ASAH2: variants seen among roughly 807,000 people sequenced by gnomAD.
ASAH2 encodes the protein N-acylsphingosine amidohydrolase 2, also known as neutral ceramidase.
ASAH2 carries 58 observed loss-of-function variants against 82.9 expected under a neutral mutation model. That is an observed-to-expected ratio of 0.70 (90% CI 0.57 to 0.87). ASAH2 has a LOEUF of 0.87. Among genes scored for constraint, ASAH2 ranks in the 40% least tolerant of loss-of-function variants. The pLI, the probability that ASAH2 is intolerant of heterozygous loss-of-function variation, is 0.00. For missense variants in ASAH2, 779 were observed against 834.0 expected (o/e 0.93, Z 0.81); for synonymous variants, 276 against 289.7 (o/e 0.95, Z 0.48).
At chr10:50,251,090 G>C (rs926197051) in intron 1 of ASAH2, among the ~76,000 whole-genome samples, 4 of 152,200 alleles carry the variant, frequency 2.6e-5, no homozygotes, top group African/African-American at 7.2e-5. Context: ...CTCCTTGGTA[G>C]AGCTAAGCCA....
chr10:50,233,120 T>C, intron 7 of ASAH2, 64 bp downstream of exon 7: 1 of 1,200,948 alleles, frequency 8.3e-7, no homozygotes, highest in Non-Finnish European at 1.2e-6. Flanking sequence ...CTAGTCTCTT[T>C]TCCCTTCTCT....
At chr10:50,215,917 C>T (rs1009779101) in intron 8 of ASAH2, among the ~76,000 whole-genome samples, 8 of 152,056 alleles carry the variant, frequency 5.3e-5, no homozygotes, top group African/African-American at 1.4e-4. Flanking sequence ...AACTCAAATG[C>T]CCATCAATGA....
At chr10:50,237,602 T>C (rs1846192906) in intron 4 of ASAH2, among the ~76,000 whole-genome samples, 1 of 152,196 alleles carries the variant, frequency 6.6e-6, no homozygotes, top group Non-Finnish European at 1.5e-5. Flanking sequence ...ACAAAGAGAC[T>C]CAGTAAATGT....
At chr10:50,203,758 C>G in intron 14 of ASAH2, 79 bp from the exon 15 acceptor site, 2 of 1,187,676 alleles carry the variant, frequency 1.7e-6, no homozygotes, top group Admixed American at 1.7e-5. Context: ...CAGTGAAAGC[C>G]AAAAAATTAC....
intron 4 of ASAH2, among the ~76,000 whole-genome samples, chr10:50,236,895 G>A (rs1015061145): frequency 1.6e-4 from 25 of 152,180 alleles, no homozygotes; most frequent in African/African-American, 5.8e-4. Context: ...AATATATGAG[G>A]TTCTTGTCTT....
In ASAH2 at chr10:50,203,629, T is replaced by A. The variant is rs1376868914; in HGVS notation, c.1665+11A>T. On this transcript the variant is annotated intron_variant, in intron 15 of 20. Coordinates refer to ENST00000682911, the MANE Select transcript of ASAH2 (RefSeq NM_019893.4). The stretch of plus-strand genomic sequence containing the variant: ...TGAACATGTAGATATGTTATTTTAT[T>A]TTTAACTTACTGCTTGAACTGCCTC... 2.4e-5 allele frequency: 39 copies of A among 1,611,222 alleles called. No individual in the cohort carries two copies. In the Admixed American group the frequency reaches 6.0e-4, roughly 25 times the overall value.
At chr10:50,230,792 A>G (rs1251971951) in intron 7 of ASAH2, among the ~76,000 whole-genome samples, 1 of 152,238 alleles carries the variant, frequency 6.6e-6, no homozygotes, top group Admixed American at 6.5e-5. Flanking sequence ...CTGTAATCCA[A>G]GCACTTTGGA....
At position 50,203,720 on chromosome 10, in the gene ASAH2, A is replaced by G. The variant is rs886311685; in HGVS notation, c.1626-41T>C. The G allele has an allele frequency of 3.3e-5, 52 of 1,584,504 alleles. No homozygotes were observed. In the African/African-American group the frequency reaches 4.4e-4, roughly 14 times the overall value. Reference sequence around the variant, plus strand: ...AATTATGTAAACGTTTTCCTACTAGACGTATGCAGAGTACACAGAAACACT... The same window carrying G: ...AATTATGTAAACGTTTTCCTACTAGGCGTATGCAGAGTACACAGAAACACT... On this transcript the variant is annotated intron_variant, in intron 14 of 20. Coordinates refer to ENST00000682911, the MANE Select transcript of ASAH2 (RefSeq NM_019893.4).
intron 4 of ASAH2, among the ~76,000 whole-genome samples, chr10:50,238,419 A>G (rs1846211380): frequency 1.3e-5 from 2 of 152,192 alleles, no homozygotes; most frequent in Non-Finnish European, 2.9e-5. Context: ...CTATGATGCA[A>G]GACAAATACA....
intron 10 of ASAH2, 74 bp from the exon 11 acceptor site, chr10:50,211,208 C>T (rs1845446579): frequency 1.8e-6 from 2 of 1,125,306 alleles, no homozygotes; most frequent in Non-Finnish European, 2.7e-6. Context: ...TCAGGAAGTA[C>T]CAATTTGATG....
chr10:50,214,221 T>A (rs1306730117), intron 9 of ASAH2, among the ~76,000 whole-genome samples: 1 of 152,184 alleles, frequency 6.6e-6, no homozygotes, highest in Admixed American at 6.6e-5. Context: ...TAGTAACTTC[T>A]GGGAAGAGCA....
chr10:50,239,682 C>CATA (rs1274582388), intron 4 of ASAH2, among the ~76,000 whole-genome samples: 1 of 152,046 alleles, frequency 6.6e-6, no homozygotes, highest in African/African-American at 2.4e-5. Flanking sequence ...TGTCAAATGA[C>CATA]ATAATAATAA....
intron 10 of ASAH2, among the ~76,000 whole-genome samples, chr10:50,212,428 G>C (rs952940186): frequency 6.6e-6 from 1 of 151,988 alleles, no homozygotes; most frequent in Non-Finnish European, 1.5e-5. Flanking sequence ...GATGAAGAGA[G>C]CTTCATCAAA....
intron 12 of ASAH2, among the ~76,000 whole-genome samples, chr10:50,208,229 C>T (rs1449017527): frequency 3.9e-5 from 6 of 152,022 alleles, no homozygotes; most frequent in African/African-American, 1.4e-4. Context: ...AATGCTTTTT[C>T]CATACTATTA....
chr10:50,242,584 G>A (rs1846330402), intron 4 of ASAH2, among the ~76,000 whole-genome samples: 1 of 151,984 alleles, frequency 6.6e-6, no homozygotes, highest in Non-Finnish European at 1.5e-5. Flanking sequence ...AGTTAGAACT[G>A]GAAGTTTATC....
chr10:50,205,993 G>A lies in ASAH2; in HGVS notation c.1519C>T (p.His507Tyr). Residue 507 changes from histidine to tyrosine, a missense_variant, in exon 13 of 21, where the codon CAC (histidine) becomes TAC (tyrosine). Coordinates refer to ENST00000682911, the MANE Select transcript of ASAH2 (RefSeq NM_019893.4). ...ECHKPKPILL[H>Y]TGELSKPHPW... ...CGAAAATGCATTACTTCTCCGGTGT[G>A]AAGAAGGATGGGCTTTGGTTTATGA... is the stretch of plus-strand genomic sequence containing the variant. The A allele has an allele frequency of 6.2e-7, 1 of 1,611,392 alleles. No individual in the cohort carries two copies. The highest frequency in any genetic ancestry group is 8.5e-7 in the Non-Finnish European group (1 of 1,177,816).
Position 50,234,440 on chromosome 10 carries a change from T to C in ASAH2, c.800A>G (p.Gln267Arg). Reference protein sequence around the residue: ...RSPYSYLQNPQSERARYSSNT... With the variant: ...RSPYSYLQNPRSERARYSSNT... Reference sequence around the variant, plus strand: ...TCCTCCTCACCTTGCTCTCTCTGACTGCGGATTTTGAAGGTAAGAATACGG... The same window carrying C: ...TCCTCCTCACCTTGCTCTCTCTGACCGCGGATTTTGAAGGTAAGAATACGG... The change falls in exon 6 of 21, where the codon CAG becomes CGG. Residue 267 changes from glutamine (Q) to arginine (R), a missense_variant. Gln to Arg is a conservative substitution (Grantham distance 43). Coordinates refer to ENST00000682911, the MANE Select transcript of ASAH2 (RefSeq NM_019893.4). 6.2e-7 allele frequency: 1 copy of C among 1,613,054 alleles called. No homozygotes were observed. The highest frequency in any genetic ancestry group is 1.1e-5 in the South Asian group (1 of 91,060).
chr10:50,206,467 C>T (rs1198882651), intron 12 of ASAH2, among the ~76,000 whole-genome samples: 5 of 150,202 alleles, frequency 3.3e-5, no homozygotes, highest in African/African-American at 7.3e-5. Flanking sequence ...TGAAAAATTA[C>T]GCCTCCAACT....
In ASAH2 at chr10:50,185,208, G is replaced by A. The variant is rs2133187283; in HGVS notation, c.*2107C>T. 1 of 151,060 alleles carries A rather than the reference G, an allele frequency of 6.6e-6. No individual in the cohort carries two copies. Among genetic ancestry groups the A allele is most frequent in the East Asian group, 1.9e-4 (1 of 5,134 alleles). 9.4% of individuals were successfully genotyped at this position (151,060 alleles called of 1,614,324 possible). ...TCTGTGTTTTTATATCAACAGATAA[G>A]TTCAATTACTTCATGATATTCTTTT... On this transcript the variant is annotated 3_prime_UTR_variant, in exon 21 of 21. Transcript: ENST00000682911.
Sources: allele counts gnomAD v4.1 joint callset (sites outside exome capture counted in the v4.1 genomes callset), GRCh38; gene constraint gnomAD v4.1.1; transcripts MANE v1.5; gene names NCBI Gene and HGNC (gene_info 2026-07-23, HGNC 2026-07-21).